Variants in LRRFIP2 observed in about 807,000 individuals in gnomAD.
LRRFIP2 encodes the protein LRR binding FLII interacting protein 2.
Under a neutral mutation model 125.9 loss-of-function variants are expected in LRRFIP2, and 109 were observed. The ratio of observed to expected loss-of-function variants is 0.87; its 90% CI spans 0.74 to 1.01. LRRFIP2 has a LOEUF of 1.01. Among genes scored for constraint, LRRFIP2 ranks in the 50% least tolerant of loss-of-function variants. The pLI is 0.00. For missense variants in LRRFIP2, 850 were observed against 862.3 expected (o/e 0.99, Z 0.18); for synonymous variants, 291 against 293.1 (o/e 0.99, Z 0.07).
chr3:37,054,341 TAAG>T, intron 27 of LRRFIP2, 67 bp downstream of exon 27: 1 of 1,285,064 alleles, frequency 7.8e-7, no homozygotes, highest in Non-Finnish European at 1.1e-6. Context: ...CTTACACAGC[TAAG>T]AATTATTTCC....
At chr3:37,113,073 T>C in intron 7 of LRRFIP2, 93 bp from the exon 8 acceptor site, 1 of 666,812 alleles carries the variant, frequency 1.5e-6, no homozygotes, top group Non-Finnish European at 2.7e-6. Flanking sequence ...CACAAAGGTC[T>C]ATATGAGATA....
At chr3:37,072,003 G>A (rs1447086289) in intron 21 of LRRFIP2, among the ~76,000 whole-genome samples, 3 of 152,148 alleles carry the variant, frequency 2.0e-5, no homozygotes, top group African/African-American at 7.2e-5. Flanking sequence ...ATTACAGACA[G>A]CCACCCTAGA....
chr3:37,073,276 A>G (rs189482753), intron 20 of LRRFIP2, among the ~76,000 whole-genome samples: 3 of 152,350 alleles, frequency 2.0e-5, no homozygotes, highest in African/African-American at 7.2e-5. Flanking sequence ...ATGATCTTTC[A>G]TCTTAGAGAA....
intron 16 of LRRFIP2, among the ~76,000 whole-genome samples, chr3:37,095,630 TTTA>T (rs1181203566): frequency 6.6e-6 from 1 of 152,000 alleles, no homozygotes; most frequent in Non-Finnish European, 1.5e-5. Context: ...TAATTTTATA[TTTA>T]TTATTTTTAT....
At chr3:37,141,155 A>C (rs145356973) in intron 2 of LRRFIP2, among the ~76,000 whole-genome samples, 1 of 152,308 alleles carries the variant, frequency 6.6e-6, no homozygotes, top group East Asian at 1.9e-4. Flanking sequence ...TGTTTCAAAA[A>C]ATAAATGGAA....
At chr3:37,061,165 C>G (rs959365901) in intron 24 of LRRFIP2, among the ~76,000 whole-genome samples, 4 of 152,154 alleles carry the variant, frequency 2.6e-5, no homozygotes, top group Admixed American at 2.6e-4. Context: ...TGCCCCTTCA[C>G]CTTCCGCCGT....
chr3:37,085,913 T>C (rs922176960), intron 18 of LRRFIP2, among the ~76,000 whole-genome samples: 26 of 152,090 alleles, frequency 1.7e-4, no homozygotes, highest in African/African-American at 5.6e-4. Flanking sequence ...GCAAATGATA[T>C]GATCAAGAAA....
At chr3:37,141,305 G>A (rs1190372765) in intron 2 of LRRFIP2, among the ~76,000 whole-genome samples, 1 of 151,918 alleles carries the variant, frequency 6.6e-6, no homozygotes, top group Non-Finnish European at 1.5e-5. Flanking sequence ...AAAATCAAAT[G>A]TAAATTCCTC....
At chr3:37,139,316 G>C (rs944439916) in intron 2 of LRRFIP2, among the ~76,000 whole-genome samples, 2 of 152,116 alleles carry the variant, frequency 1.3e-5, no homozygotes, top group Non-Finnish European at 2.9e-5. Flanking sequence ...TCAATGTGTA[G>C]CCTATTTAAA....
chr3:37,129,111 T>C lies in LRRFIP2; in HGVS notation c.129A>G (p.Ala43=), dbSNP rs1211285805. The C allele has an allele frequency of 1.2e-6, 2 of 1,614,026 alleles. No homozygotes were observed. The highest frequency in any genetic ancestry group is 1.7e-6 in the Non-Finnish European group (2 of 1,180,040). Residue 43 remains alanine, a synonymous_variant, in exon 3 of 28, where the codon GCA becomes GCG. Transcript: ENST00000336686. ...CTCTCATGCGTATATCTCTTGCTTC[T>C]GCCCGGGCAGCCCGTTTTGCTGCCA... The part of the protein sequence containing the change: ...ARLAAKRAAR[A]EARDIRMREL...
chr3:37,085,750 T>C (rs1167709950), intron 18 of LRRFIP2, among the ~76,000 whole-genome samples: 2 of 151,630 alleles, frequency 1.3e-5, no homozygotes, highest in Admixed American at 6.6e-5. Context: ...CCCGGCTAAT[T>C]TTTTGTATTT....
intron 25 of LRRFIP2, 99 bp downstream of exon 25, chr3:37,058,691 A>T: frequency 2.4e-6 from 3 of 1,270,472 alleles, no homozygotes; most frequent in Non-Finnish European, 3.3e-6. Context: ...AAAAAAAAAA[A>T]GAAAAGTGTA....
chr3:37,106,267 C>T (rs773436587), intron 13 of LRRFIP2, among the ~76,000 whole-genome samples: 3 of 152,148 alleles, frequency 2.0e-5, no homozygotes, highest in East Asian at 1.9e-4. Context: ...ACAAGGACAA[C>T]GAAGTGATGG....
Position 37,121,662 on chromosome 3 carries a change from G to A in LRRFIP2, c.258C>T (p.His86=). Residue 86 remains histidine (H), a synonymous_variant, in exon 5 of 28, where the codon CAC becomes CAT. Coordinates refer to ENST00000336686, the MANE Select transcript of LRRFIP2 (RefSeq NM_006309.4). ...LEDSERARYS[H]RSSHHRPYLG... ...GATAAGGACGATGGTGACTGGACCG[G>A]TGGGAATACCTGGCCCTTTCCGAAT... is the stretch of plus-strand genomic sequence containing the variant. The A allele has an allele frequency of 6.2e-7, 1 of 1,614,188 alleles. No homozygotes were observed. Among genetic ancestry groups the A allele is most frequent in the Non-Finnish European group, 8.5e-7 (1 of 1,180,024 alleles).
At chr3:37,129,295 T>C (rs374868863) in intron 2 of LRRFIP2, 146 bp from the exon 3 acceptor site, 1 of 655,952 alleles carries the variant, frequency 1.5e-6, no homozygotes, top group East Asian at 2.7e-5. Flanking sequence ...TTTGATTGAT[T>C]GTTTTAATCA....
intron 18 of LRRFIP2, among the ~76,000 whole-genome samples, chr3:37,087,927 T>C (rs1438176176): frequency 1.3e-5 from 2 of 152,082 alleles, no homozygotes; most frequent in Non-Finnish European, 2.9e-5. Flanking sequence ...AAAGTGTGGG[T>C]TCCAGATCAG....
intron 14 of LRRFIP2, among the ~76,000 whole-genome samples, chr3:37,103,233 T>G (rs2094162819): frequency 6.6e-6 from 1 of 152,206 alleles, no homozygotes; most frequent in Admixed American, 6.5e-5. Flanking sequence ...GCTTTTTTAC[T>G]CATCTTAACT....
Position 37,053,945 on chromosome 3 carries a change from T to C in LRRFIP2, c.2072A>G (p.Asp691Gly). 6.2e-7 allele frequency: 1 copy of C among 1,612,272 alleles called. No individual in the cohort carries two copies. The highest frequency in any genetic ancestry group is 8.5e-7 in the Non-Finnish European group (1 of 1,178,288). ...GGTCATCTCCATCTCCTCAATCTTGTCCAGTGCTGTTCGTAACTGGAGACA... is the reference window on the plus strand; with the variant it reads ...GGTCATCTCCATCTCCTCAATCTTGCCCAGTGCTGTTCGTAACTGGAGACA... ...KLQRELRTAL[D>G]KIEEMEMTNS... Residue 691 changes from aspartate to glycine, a missense_variant, in exon 28 of 28, where the codon GAC (aspartate) becomes GGC (glycine). Asp to Gly is a moderately conservative substitution (Grantham distance 94). Coordinates refer to ENST00000336686, the MANE Select transcript of LRRFIP2 (RefSeq NM_006309.4).
chr3:37,064,905 C>T (rs747772044), intron 23 of LRRFIP2: 11 of 152,282 alleles, frequency 7.2e-5, no homozygotes, highest in Non-Finnish European at 1.6e-4. Flanking sequence ...TATAGCCAGA[C>T]TCTCGTTCCA....
Sources: gnomAD v4.1 joint callset for allele counts (sites outside exome capture counted in the v4.1 genomes callset) on GRCh38, gnomAD v4.1.1 for gene constraint, MANE v1.5 for transcripts, NCBI Gene and HGNC (gene_info 2026-07-23, HGNC 2026-07-21) for gene names.